Variants in ZNF676 observed in about 807,000 individuals in gnomAD.
ZNF676 encodes zinc finger protein 676.
ZNF676 carries 4 observed loss-of-function variants against 6.0 expected under a neutral mutation model. The ratio of observed to expected loss-of-function variants is 0.67; its 90% CI spans 0.33 to 1.53. The LOEUF is 1.53. ZNF676 is among the 40% of genes most tolerant of loss of function. The pLI is 0.06. For missense variants in ZNF676, 644 were observed against 679.7 expected (o/e 0.95, Z 0.58); for synonymous variants, 198 against 223.1 (o/e 0.89, Z 1.00).
chr19:22,233,625 G>A, the ZNF676 span, among the ~76,000 whole-genome samples: 1 of 152,234 alleles, frequency 6.6e-6, no homozygotes, highest in Non-Finnish European at 1.5e-5. Context: ...CCTGTTCCCT[G>A]TCTGTGGTAC....
chr19:22,259,786 G>A, the ZNF676 span: 1 of 152,196 alleles, frequency 6.6e-6, no homozygotes, highest in Non-Finnish European at 1.5e-5. Flanking sequence ...TGAGAAGAAG[G>A]TCAAGGTAAA....
intron 2 of ZNF676, among the ~76,000 whole-genome samples, chr19:22,190,909 T>C (rs912353956): frequency 3.1e-4 from 47 of 151,860 alleles, no homozygotes; most frequent in African/African-American, 1.1e-3. Flanking sequence ...AAAGATTCTA[T>C]GAGATAGATA....
the ZNF676 span, among the ~76,000 whole-genome samples, chr19:22,231,389 T>C: frequency 6.6e-6 from 1 of 151,756 alleles, no homozygotes; most frequent in South Asian, 2.1e-4. Flanking sequence ...TATTTAAACA[T>C]GTATATAAAA....
chr19:22,233,008 G>T, the ZNF676 span, among the ~76,000 whole-genome samples: 1 of 151,930 alleles, frequency 6.6e-6, no homozygotes, highest in South Asian at 2.1e-4. Flanking sequence ...TAATGTTAAA[G>T]GCATTACAGT....
intron 2 of ZNF676, among the ~76,000 whole-genome samples, chr19:22,191,314 C>G (rs890745058): frequency 1.3e-5 from 2 of 152,110 alleles, no homozygotes; most frequent in African/African-American, 2.4e-5. Flanking sequence ...AATGTCCCAC[C>G]CTACTTGGTC....
intron 2 of ZNF676, among the ~76,000 whole-genome samples, chr19:22,186,131 G>T (rs568664236): frequency 2.0e-5 from 3 of 152,266 alleles, no homozygotes; most frequent in Non-Finnish European, 2.9e-5. Flanking sequence ...CAGCCACACA[G>T]AAATGTAGGG....
Position 22,180,520 on chromosome 19 carries a change from GCCACATT to G in ZNF676, c.1190_1196del (p.Glu397AlafsTer99), listed in dbSNP as rs1298183979. 6.2e-7 allele frequency: 1 copy of G among 1,610,282 alleles called. No homozygotes were observed. Among genetic ancestry groups the G allele is most frequent in the Non-Finnish European group, 8.5e-7 (1 of 1,179,606 alleles). Reference sequence around the variant, plus strand: ...GCTTTGAGGATGAGTTGGAAGCTTTGCCACATTCTTCACATTTGTAGGGCTTCTCTTC... The same window carrying G: ...GCTTTGAGGATGAGTTGGAAGCTTTGCTTCACATTTGTAGGGCTTCTCTTC... On this transcript the variant is annotated frameshift_variant, in exon 3 of 3. Coordinates refer to ENST00000397121, the MANE Select transcript of ZNF676 (RefSeq NM_001001411.3). LOFTEE classifies it low-confidence loss of function (END_TRUNC).
intron 2 of ZNF676, among the ~76,000 whole-genome samples, chr19:22,190,630 C>T (rs1297070975): frequency 9.0e-5 from 6 of 66,818 alleles, no homozygotes; most frequent in Admixed American, 2.2e-4. Flanking sequence ...TAGAATGCAA[C>T]ATATATATAT....
At chr19:22,230,391 T>G in the ZNF676 span, among the ~76,000 whole-genome samples, 1 of 152,132 alleles carries the variant, frequency 6.6e-6, no homozygotes, top group African/African-American at 2.4e-5. Flanking sequence ...AAGAAATACC[T>G]AATGTAGATG....
chr19:22,201,685 G>C (rs1396863152), upstream of ZNF676, among the ~76,000 whole-genome samples: 3 of 128,826 alleles, frequency 2.3e-5, no homozygotes, highest in African/African-American at 6.0e-5. Flanking sequence ...AAGTTGCCTG[G>C]AATCTACACT....
the ZNF676 span, among the ~76,000 whole-genome samples, chr19:22,248,217 T>A: frequency 6.6e-6 from 1 of 152,332 alleles, no homozygotes; most frequent in African/African-American, 2.4e-5. Context: ...TATGTGTGCA[T>A]GTGTCTTTAT....
intron 2 of ZNF676, among the ~76,000 whole-genome samples, chr19:22,187,720 C>G (rs2144740384): frequency 6.6e-6 from 1 of 151,852 alleles, no homozygotes; most frequent in East Asian, 1.9e-4. Context: ...TACAAACTAC[C>G]ATGAGAGAAT....
chr19:22,204,144 T>C (rs1377242209), intron 1 of ZNF676: 2 of 152,210 alleles, frequency 1.3e-5, no homozygotes, highest in Non-Finnish European at 2.9e-5. Flanking sequence ...AGCATACTAA[T>C]TTGGTAAAAT....
chr19:22,203,667 T>C (rs879625621), intron 1 of ZNF676: 5 of 152,544 alleles, frequency 3.3e-5, no homozygotes, highest in Non-Finnish European at 5.8e-5. Flanking sequence ...TGATCTTGGC[T>C]CACTGCAACC....
Position 22,181,598 on chromosome 19 carries a change from T to C in ZNF676, c.131-12A>G. 6.6e-7 allele frequency: 1 copy of C among 1,511,116 alleles called. No homozygotes were observed. The highest frequency in any genetic ancestry group is 8.8e-7 in the Non-Finnish European group (1 of 1,134,126). 93.6% of individuals were successfully genotyped at this position (1,511,116 alleles called of 1,614,324 possible). Reference sequence around the variant, plus strand: ...ATGAGAACATATAACTGAAAAGAAATAAAAATAACAAATTAATCTACATAT... The same window carrying C: ...ATGAGAACATATAACTGAAAAGAAACAAAAATAACAAATTAATCTACATAT... On this transcript the variant is annotated splice_polypyrimidine_tract_variant and intron_variant, in intron 2 of 2. Coordinates refer to ENST00000397121, the MANE Select transcript of ZNF676 (RefSeq NM_001001411.3).
chr19:22,210,118 C>T (rs1304203512), intron 1 of ZNF676, among the ~76,000 whole-genome samples: 1 of 152,166 alleles, frequency 6.6e-6, no homozygotes, highest in Non-Finnish European at 1.5e-5. Flanking sequence ...GTGTGACAGC[C>T]TGTGTAGAGG....
At chr19:22,211,076 G>A (rs2024125255) in intron 1 of ZNF676, among the ~76,000 whole-genome samples, 1 of 142,858 alleles carries the variant, frequency 7.0e-6, no homozygotes, top group Non-Finnish European at 1.5e-5. Flanking sequence ...TCCTCCTGTT[G>A]CAATACTCCT....
At chr19:22,247,103 C>T in the ZNF676 span, among the ~76,000 whole-genome samples, 2 of 152,202 alleles carry the variant, frequency 1.3e-5, no homozygotes, top group South Asian at 4.1e-4. Flanking sequence ...CACCAATTAG[C>T]CAACTTTGGG....
At chr19:22,217,505 T>C (rs1273003218), upstream of ZNF676, among the ~76,000 whole-genome samples, 1 of 151,850 alleles carries the variant, frequency 6.6e-6, no homozygotes, top group Non-Finnish European at 1.5e-5. Context: ...CCCATCCCCA[T>C]TACATAATTG....
Sources: gnomAD v4.1 joint callset for allele counts (sites outside exome capture counted in the v4.1 genomes callset) on GRCh38, gnomAD v4.1.1 for gene constraint, MANE v1.5 for transcripts, NCBI Gene and HGNC (gene_info 2026-07-23, HGNC 2026-07-21) for gene names.